Variants in RAD51C observed in about 807,000 individuals in gnomAD.
RAD51C encodes RAD51 paralog C, also known as DNA repair protein RAD51 homolog 3.
RAD51C carries 42 observed loss-of-function variants against 45.0 expected under a neutral mutation model. The observed-to-expected ratio is 0.93, with a 90% CI of 0.73 to 1.21. RAD51C has a LOEUF of 1.21. Among genes scored for constraint, RAD51C ranks in the 50% most tolerant of loss-of-function variants. The pLI, the probability that RAD51C is intolerant of heterozygous loss-of-function variation, is 0.00. For missense variants in RAD51C, 474 were observed against 452.2 expected (o/e 1.05, Z -0.44); for synonymous variants, 172 against 159.8 (o/e 1.08, Z -0.58).
At chr17:58,722,060 C>T (rs2048935768) in intron 6 of RAD51C, among the ~76,000 whole-genome samples, 1 of 152,074 alleles carries the variant, frequency 6.6e-6, no homozygotes, top group African/African-American at 2.4e-5. Context: ...AACTCATGCC[C>T]TCAGCACACT....
intron 3 of RAD51C, 101 bp from the exon 4 acceptor site, chr17:58,703,095 T>A: frequency 1.5e-6 from 2 of 1,303,498 alleles, no homozygotes; most frequent in Non-Finnish European, 2.2e-6. Flanking sequence ...AGAATTTTGT[T>A]ATCCAAAGGA....
chr17:58,734,299 A>T lies in RAD51C; in HGVS notation c.*77A>T, dbSNP rs896048860. 1 of 1,555,694 alleles carries T rather than the reference A, an allele frequency of 6.4e-7. No homozygotes were observed. ...GTGTACAAGTGGACTTGTTACCTTA[A>T]AGTATAAATAAACACACTATGGCAT... On this transcript the variant is annotated 3_prime_UTR_variant, in exon 9 of 9. Transcript: ENST00000337432.
At chr17:58,723,464 C>T (rs548132431) in intron 6 of RAD51C, among the ~76,000 whole-genome samples, 5 of 151,906 alleles carry the variant, frequency 3.3e-5, no homozygotes, top group South Asian at 2.1e-4. Flanking sequence ...TGCTCTCCCC[C>T]CAAGAGGCAA....
intron 2 of RAD51C, among the ~76,000 whole-genome samples, chr17:58,695,800 C>T (rs2047983012): frequency 6.6e-6 from 1 of 151,308 alleles, no homozygotes; most frequent in Non-Finnish European, 1.5e-5. Context: ...GGGATGGTGG[C>T]TCACACCTGT....
At chr17:58,699,287 T>G (rs546823466) in intron 3 of RAD51C, among the ~76,000 whole-genome samples, 2 of 152,328 alleles carry the variant, frequency 1.3e-5, no homozygotes, top group East Asian at 3.9e-4. Flanking sequence ...ATTACAGGCA[T>G]GAGCTACAGC....
chr17:58,695,053 C>A lies in RAD51C; in HGVS notation c.268C>A (p.Leu90Ile). The A allele has an allele frequency of 6.2e-7, 1 of 1,614,112 alleles. No homozygotes were observed. Among genetic ancestry groups the A allele is most frequent in the Non-Finnish European group, 8.5e-7 (1 of 1,180,016 alleles). Reference protein sequence around the residue: ...ESHKKCTALELLEQEHTQGFI... With the variant: ...ESHKKCTALEILEQEHTQGFI... ...ACACAAGAAGTGTACAGCACTGGAA[C>A]TTCTTGAGCAGGAGCATACCCAGGG... Residue 90 changes from leucine to isoleucine, a missense_variant, in exon 2 of 9, where the codon CTT (leucine) becomes ATT (isoleucine). Leu to Ile is a conservative substitution (Grantham distance 5). Transcript: ENST00000337432.
At chr17:58,694,700 C>G (rs1437364535) in intron 1 of RAD51C, 1 of 502,602 alleles carries the variant, frequency 2.0e-6, no homozygotes, top group Non-Finnish European at 3.6e-6. Context: ...GTCTTCAACT[C>G]CTGACCTCAG....
At chr17:58,701,172 A>G (rs1277776971) in intron 3 of RAD51C, among the ~76,000 whole-genome samples, 1 of 151,998 alleles carries the variant, frequency 6.6e-6, no homozygotes, top group Admixed American at 6.5e-5. Context: ...AAGTGTTAGA[A>G]TTACAGGCGT....
At chr17:58,707,711 G>A (rs2048422308) in intron 4 of RAD51C, among the ~76,000 whole-genome samples, 1 of 152,078 alleles carries the variant, frequency 6.6e-6, no homozygotes, top group African/African-American at 2.4e-5. Context: ...ACTAAAATTT[G>A]TTGTGGTCAC....
intron 5 of RAD51C, among the ~76,000 whole-genome samples, chr17:58,711,363 A>T (rs1215048815): frequency 6.6e-6 from 1 of 152,194 alleles, no homozygotes; most frequent in Non-Finnish European, 1.5e-5. Context: ...TGTATATAAA[A>T]TATATTTAAT....
At chr17:58,699,195 A>T (rs996742703) in intron 3 of RAD51C, among the ~76,000 whole-genome samples, 1 of 151,794 alleles carries the variant, frequency 6.6e-6, no homozygotes, top group Non-Finnish European at 1.5e-5. Flanking sequence ...TTTAGCAGAG[A>T]TGGAGTTTCA....
chr17:58,703,412 G>A (rs1238345101), intron 4 of RAD51C, 83 bp downstream of exon 4: 6 of 1,453,050 alleles, frequency 4.1e-6, no homozygotes, highest in East Asian at 2.3e-5. Flanking sequence ...CAGTACAGTA[G>A]CATAAAATCA....
At chr17:58,702,368 T>C (rs1291963649) in intron 3 of RAD51C, among the ~76,000 whole-genome samples, 1 of 152,064 alleles carries the variant, frequency 6.6e-6, no homozygotes, top group Non-Finnish European at 1.5e-5. Flanking sequence ...TAGCCTAATA[T>C]GTAAGGAAAC....
chr17:58,696,081 A>G (rs943086201), intron 2 of RAD51C, among the ~76,000 whole-genome samples: 5 of 151,126 alleles, frequency 3.3e-5, no homozygotes, highest in Non-Finnish European at 5.9e-5. Flanking sequence ...GAAAAAAAAA[A>G]AAGGTAGATT....
chr17:58,732,698 T>A (rs756681107), intron 8 of RAD51C, 154 bp downstream of exon 8: 160 of 716,970 alleles, frequency 2.2e-4, no homozygotes, highest in Admixed American at 3.2e-4. Context: ...AAAATAGTAG[T>A]ATATACAGAA....
Position 58,734,303 on chromosome 17 carries a change from A to G in RAD51C, c.*81A>G. On this transcript the variant is annotated 3_prime_UTR_variant, in exon 9 of 9. Coordinates refer to ENST00000337432, the MANE Select transcript of RAD51C (RefSeq NM_058216.3). Reference sequence around the variant, plus strand: ...ACAAGTGGACTTGTTACCTTAAAGTATAAATAAACACACTATGGCATGAAT... The same window carrying G: ...ACAAGTGGACTTGTTACCTTAAAGTGTAAATAAACACACTATGGCATGAAT... 4 of 1,553,388 alleles carry G rather than the reference A, an allele frequency of 2.6e-6. No individual in the cohort carries two copies. Among genetic ancestry groups the G allele is most frequent in the Non-Finnish European group, 3.5e-6 (4 of 1,146,364 alleles).
chr17:58,698,002 G>A (rs978855587), intron 3 of RAD51C, among the ~76,000 whole-genome samples: 3 of 151,146 alleles, frequency 2.0e-5, no homozygotes, highest in East Asian at 3.9e-4. Flanking sequence ...GTGAGCCACC[G>A]CACCCGGCCA....
intron 4 of RAD51C, among the ~76,000 whole-genome samples, chr17:58,708,706 G>C (rs997475390): frequency 2.0e-5 from 3 of 151,616 alleles, no homozygotes; most frequent in Non-Finnish European, 4.4e-5. Flanking sequence ...TGCTTTGGGG[G>C]GGGCTTTCTT....
intron 5 of RAD51C, among the ~76,000 whole-genome samples, chr17:58,711,470 G>T (rs2048554754): frequency 6.6e-6 from 1 of 152,036 alleles, no homozygotes; most frequent in Non-Finnish European, 1.5e-5. Context: ...ATTAACAGTG[G>T]CTACTTCTTT....
Sources: gnomAD v4.1 joint callset for allele counts (sites outside exome capture counted in the v4.1 genomes callset) on GRCh38, gnomAD v4.1.1 for gene constraint, MANE v1.5 for transcripts, NCBI Gene and HGNC (gene_info 2026-07-23, HGNC 2026-07-21) for gene names.